GRIA1: variants seen among roughly 807,000 people sequenced by gnomAD.
GRIA1 encodes glutamate receptor 1.
Under a neutral mutation model 99.2 loss-of-function variants are expected in GRIA1, and 31 were observed. That is an observed-to-expected ratio of 0.31 (90% CI 0.23 to 0.42). The LOEUF (loss-of-function observed/expected upper bound fraction) is 0.42. Among genes scored for constraint, GRIA1 ranks in the 10% least tolerant of loss-of-function variants. The pLI, the probability that GRIA1 is intolerant of heterozygous loss-of-function variation, is 1.00. For missense variants in GRIA1, 782 were observed against 1,157.5 expected (o/e 0.68, Z 4.71); for synonymous variants, 438 against 432.4 (o/e 1.01, Z -0.16).
intron 2 of GRIA1, among the ~76,000 whole-genome samples, chr5:153,569,964 A>T (rs1252197970): frequency 6.6e-6 from 1 of 152,170 alleles, no homozygotes; most frequent in African/African-American, 2.4e-5. Context: ...TATGAACCTT[A>T]GGTTACTATT....
chr5:153,729,125 A>G (rs13166807), intron 11 of GRIA1, among the ~76,000 whole-genome samples: 77,075 of 148,914 alleles, frequency 0.52, 20,830 homozygotes, highest in East Asian at 0.94. Flanking sequence ...TCAGTAAACT[A>G]TCACAAGAAC....
chr5:153,637,235 T>C (rs1161328101), intron 2 of GRIA1, among the ~76,000 whole-genome samples: 3 of 152,216 alleles, frequency 2.0e-5, no homozygotes, highest in African/African-American at 7.2e-5. Context: ...GCAAACATCA[T>C]GTGAGGTAGG....
intron 3 of GRIA1, among the ~76,000 whole-genome samples, chr5:153,648,838 A>ACCCCCC (rs35300119): frequency 6.8e-6 from 1 of 148,064 alleles, no homozygotes; most frequent in African/African-American, 2.5e-5. Context: ...TAATAATGAC[A>ACCCCCC]CCCCCCCCCA....
At chr5:153,666,126 C>G (rs1378514285) in intron 5 of GRIA1, among the ~76,000 whole-genome samples, 1 of 152,140 alleles carries the variant, frequency 6.6e-6, no homozygotes, top group Non-Finnish European at 1.5e-5. Flanking sequence ...ATCCACAAGA[C>G]AAAAGCTGAG....
intron 2 of GRIA1, among the ~76,000 whole-genome samples, chr5:153,584,789 G>C (rs777338912): frequency 2.0e-5 from 3 of 152,138 alleles, no homozygotes; most frequent in Admixed American, 6.5e-5. Context: ...TTTTATGTTT[G>C]TTTGAGAATA....
intron 4 of GRIA1, among the ~76,000 whole-genome samples, chr5:153,650,993 C>T (rs1754533654): frequency 6.6e-6 from 1 of 151,560 alleles, no homozygotes; most frequent in Admixed American, 6.6e-5. Flanking sequence ...GCAGGAGAAT[C>T]CCTTGAACCT....
chr5:153,792,566 G>A (rs1581664919), intron 13 of GRIA1, among the ~76,000 whole-genome samples: 1 of 152,290 alleles, frequency 6.6e-6, no homozygotes, highest in East Asian at 1.9e-4. Context: ...GAGGAGACAA[G>A]AGAAGGAAAG....
chr5:153,626,397 C>T (rs1767607634), intron 2 of GRIA1, among the ~76,000 whole-genome samples: 2 of 151,362 alleles, frequency 1.3e-5, no homozygotes, highest in African/African-American at 4.9e-5. Flanking sequence ...CTTGACTCTG[C>T]TCTCTCTATG....
intron 14 of GRIA1, 34 bp downstream of exon 14, chr5:153,794,769 G>C: frequency 7.9e-7 from 1 of 1,265,562 alleles, no homozygotes; most frequent in South Asian, 1.2e-5. Context: ...AAACCTAGTG[G>C]GTATGAAATA....
rs886307916 is a variant in GRIA1 at position 153,672,776 on chromosome 5, T to A, written c.700-1724T>A. 3.9e-5 allele frequency among the ~76,000 whole-genome samples: 6 copies of A among 152,164 alleles called. No homozygotes were observed. In the East Asian group the frequency reaches 1.2e-3, roughly 29 times the overall value. ...TGGCTCCCAGTTCAGAACTTCTCCA[T>A]CGACCATGGATCCCCTGCTCATTTT... On this transcript the variant is annotated intron_variant, in intron 5 of 15. Coordinates refer to ENST00000285900, the MANE Select transcript of GRIA1 (RefSeq NM_000827.4).
intron 2 of GRIA1, among the ~76,000 whole-genome samples, chr5:153,526,434 G>A (rs927095075): frequency 4.6e-5 from 7 of 152,068 alleles, no homozygotes; most frequent in African/African-American, 1.7e-4. Flanking sequence ...TTTCTATTAT[G>A]CAATGTTATG....
intron 6 of GRIA1, among the ~76,000 whole-genome samples, chr5:153,675,182 G>A (rs1561755104): frequency 6.6e-6 from 1 of 152,226 alleles, no homozygotes; most frequent in African/African-American, 2.4e-5. Context: ...AGGGAAGCTG[G>A]AAAATGGTGG....
intron 11 of GRIA1, among the ~76,000 whole-genome samples, chr5:153,748,956 G>T (rs570345126): frequency 2.0e-5 from 3 of 152,172 alleles, no homozygotes; most frequent in Admixed American, 2.0e-4. Flanking sequence ...CAGCCTCTGT[G>T]TATACAGGCC....
chr5:153,794,477 G>A, intron 13 of GRIA1, 144 bp from the exon 14 acceptor site: 1 of 658,358 alleles, frequency 1.5e-6, no homozygotes, highest in African/African-American at 1.8e-5. Flanking sequence ...TTCCTGCAGT[G>A]ATGTTGGGGG....
At chr5:153,614,571 A>G (rs1766301725) in intron 2 of GRIA1, among the ~76,000 whole-genome samples, 1 of 152,206 alleles carries the variant, frequency 6.6e-6, no homozygotes, top group Non-Finnish European at 1.5e-5. Context: ...TTTGTAACCC[A>G]GGCATTGACT....
intron 2 of GRIA1, among the ~76,000 whole-genome samples, chr5:153,643,186 G>T (rs999790303): frequency 6.6e-6 from 1 of 152,098 alleles, no homozygotes; most frequent in Non-Finnish European, 1.5e-5. Flanking sequence ...AAATATTGTC[G>T]AATCAGTAAA....
chr5:153,731,516 TTGTC>T (rs1293481860), intron 11 of GRIA1, among the ~76,000 whole-genome samples: 1 of 152,120 alleles, frequency 6.6e-6, no homozygotes, highest in East Asian at 1.9e-4. Context: ...TTCTAGCACA[TTGTC>T]TGTAATTCTA....
chr5:153,796,960 G>A (rs1765684239), intron 14 of GRIA1, among the ~76,000 whole-genome samples: 1 of 152,188 alleles, frequency 6.6e-6, no homozygotes, highest in Non-Finnish European at 1.5e-5. Context: ...CTCCTCACAG[G>A]TAAAGAGCAT....
intron 12 of GRIA1, among the ~76,000 whole-genome samples, chr5:153,769,851 G>C (rs72804615): frequency 0.051 from 7,684 of 151,832 alleles, 278 homozygotes; most frequent in Non-Finnish European, 0.075. Context: ...ACAATAGATA[G>C]GTCCTTTAAT....
Sources: gnomAD v4.1 joint callset for allele counts (sites outside exome capture counted in the v4.1 genomes callset) on GRCh38, gnomAD v4.1.1 for gene constraint, MANE v1.5 for transcripts, NCBI Gene and HGNC (gene_info 2026-07-23, HGNC 2026-07-21) for gene names.